SEMA3C: variants seen among roughly 807,000 people sequenced by gnomAD.
The protein encoded by SEMA3C is semaphorin 3C, also known as semaphorin-3C.
SEMA3C carries 47 observed loss-of-function variants against 89.4 expected under a neutral mutation model. That is an observed-to-expected ratio of 0.53 (90% CI 0.42 to 0.67). The LOEUF (loss-of-function observed/expected upper bound fraction) is 0.67. Among genes scored for constraint, SEMA3C ranks in the 30% least tolerant of loss-of-function variants. The probability of loss-of-function intolerance (pLI) is 0.00; values close to 1 mark genes in which losing one functional copy is unlikely to be tolerated. For synonymous variants in SEMA3C, 310 were observed against 320.2 expected (o/e 0.97, Z 0.34); for missense variants, 839 against 929.1 (o/e 0.90, Z 1.26).
chr7:80,849,038 G>A (rs986635151), intron 2 of SEMA3C, among the ~76,000 whole-genome samples: 2 of 151,930 alleles, frequency 1.3e-5, no homozygotes, highest in Non-Finnish European at 2.9e-5. Context: ...GTTTCTTAAC[G>A]CAAGAGATTT....
rs190236476 is a variant in SEMA3C at position 80,799,937 on chromosome 7, G to A, written c.986+820C>T. ...GAGGCTGAGGCTGGCGGATCACGAGGTCAGGAGATCAAGACCATCCTGCCT... is the reference window on the plus strand; with the variant it reads ...GAGGCTGAGGCTGGCGGATCACGAGATCAGGAGATCAAGACCATCCTGCCT... On this transcript the variant is annotated intron_variant, in intron 10 of 17. Coordinates refer to ENST00000265361, the MANE Select transcript of SEMA3C (RefSeq NM_006379.5). 6.0e-4 allele frequency among the ~76,000 whole-genome samples: 91 copies of A among 151,584 alleles called. 1 individual carries two copies. In the East Asian group the frequency reaches 0.015, roughly 24 times the overall value.
At chr7:80,843,060 G>C (rs1316033897) in intron 2 of SEMA3C, among the ~76,000 whole-genome samples, 1 of 152,078 alleles carries the variant, frequency 6.6e-6, no homozygotes, top group Non-Finnish European at 1.5e-5. Flanking sequence ...GTGTGGGTGG[G>C]GGTGCAGATA....
At chr7:80,849,490 A>G (rs908248636) in intron 2 of SEMA3C, among the ~76,000 whole-genome samples, 1 of 152,176 alleles carries the variant, frequency 6.6e-6, no homozygotes, top group African/African-American at 2.4e-5. Context: ...ATGCATAAAA[A>G]TACATGTTCT....
intron 2 of SEMA3C, among the ~76,000 whole-genome samples, chr7:80,906,188 GA>G (rs1465984455): frequency 6.6e-6 from 1 of 152,096 alleles, no homozygotes; most frequent in African/African-American, 2.4e-5. Flanking sequence ...TATGTATCTT[GA>G]AAAATGTCTA....
intron 2 of SEMA3C, among the ~76,000 whole-genome samples, chr7:80,859,291 A>T (rs1194969048): frequency 6.6e-6 from 1 of 152,082 alleles, no homozygotes; most frequent in Non-Finnish European, 1.5e-5. Context: ...GTTTTCCTTA[A>T]TGCCTTTAGA....
chr7:80,822,418 A>AAAT (rs1441441617), intron 4 of SEMA3C, among the ~76,000 whole-genome samples: 1 of 150,052 alleles, frequency 6.7e-6, no homozygotes, highest in African/African-American at 2.4e-5. Flanking sequence ...AATAAAAATA[A>AAAT]AAAAAAAACA....
chr7:80,800,384 T>A (rs936305578), intron 10 of SEMA3C, among the ~76,000 whole-genome samples: 3 of 152,100 alleles, frequency 2.0e-5, no homozygotes, highest in Non-Finnish European at 4.4e-5. Context: ...GTCACTACAA[T>A]CCAGGTGATA....
chr7:80,864,216 G>A lies in SEMA3C; in HGVS notation c.104-35471C>T, dbSNP rs370253383. Among the ~76,000 whole-genome samples, 6 of 151,872 alleles carry A rather than the reference G, an allele frequency of 4.0e-5. No homozygotes were observed. In the East Asian group the frequency reaches 5.8e-4, roughly 15 times the overall value. ...ATGAGGATGCAAAGGCGTTAAGAAT[G>A]AGACAATGGACTTTGGGGACTTGGG... On this transcript the variant is annotated intron_variant, in intron 2 of 17. Coordinates refer to ENST00000265361, the MANE Select transcript of SEMA3C (RefSeq NM_006379.5).
rs889980978 is a variant in SEMA3C at position 80,744,906 on chromosome 7, C to A, written c.2244G>T (p.Leu748Phe). The A allele has an allele frequency of 6.2e-7, 1 of 1,614,030 alleles. No homozygotes were observed. Among genetic ancestry groups the A allele is most frequent in the South Asian group, 1.1e-5 (1 of 91,080 alleles). ...SRKSRNRRNQ[L>F]PES is the part of the protein sequence containing the mutation. ...ACATAAGAAAATATTATGACTCTGG[C>A]AACTGATTCCTCCTGTTTCTACTTT... is the stretch of plus-strand genomic sequence containing the variant. The change falls in exon 18 of 18, where the codon TTG becomes TTT. Residue 748 changes from leucine to phenylalanine, a missense_variant. Coordinates refer to ENST00000265361, the MANE Select transcript of SEMA3C (RefSeq NM_006379.5).
intron 12 of SEMA3C, among the ~76,000 whole-genome samples, chr7:80,766,246 C>A (rs1009027817): frequency 1.9e-4 from 29 of 152,154 alleles, no homozygotes; most frequent in African/African-American, 7.0e-4. Flanking sequence ...AATAGGTGAG[C>A]AGAGTCCCCC....
At chr7:80,789,264 T>C in intron 12 of SEMA3C, 42 bp downstream of exon 12, 1 of 1,513,804 alleles carries the variant, frequency 6.6e-7, no homozygotes, top group Non-Finnish European at 9.1e-7. Context: ...TAGTACATTC[T>C]TTTACTACAC....
At chr7:80,796,831 A>G (rs2115634305) in intron 11 of SEMA3C, among the ~76,000 whole-genome samples, 1 of 152,330 alleles carries the variant, frequency 6.6e-6, no homozygotes, top group Non-Finnish European at 1.5e-5. Flanking sequence ...CCTAGCCAGG[A>G]ACAAAACTTA....
At chr7:80,767,529 A>G (rs572285146) in intron 12 of SEMA3C, among the ~76,000 whole-genome samples, 1 of 152,334 alleles carries the variant, frequency 6.6e-6, no homozygotes, top group Admixed American at 6.5e-5. Flanking sequence ...AGATTTAGCA[A>G]TGTGGGGGTT....
intron 2 of SEMA3C, among the ~76,000 whole-genome samples, chr7:80,857,034 C>A (rs540940192): frequency 1.3e-5 from 2 of 152,212 alleles, no homozygotes; most frequent in South Asian, 4.1e-4. Flanking sequence ...CAACCACATG[C>A]GACTGCATAA....
intron 2 of SEMA3C, among the ~76,000 whole-genome samples, chr7:80,881,777 G>A (rs1317541958): frequency 6.6e-6 from 1 of 152,096 alleles, no homozygotes; most frequent in African/African-American, 2.4e-5. Context: ...CCTCTAAACA[G>A]GCAGTGCATT....
chr7:80,793,492 T>A (rs1477967266), intron 11 of SEMA3C: 2 of 451,064 alleles, frequency 4.4e-6, no homozygotes, highest in South Asian at 1.6e-5. Flanking sequence ...GACACAAGTA[T>A]TCTAGTAAGA....
intron 2 of SEMA3C, among the ~76,000 whole-genome samples, chr7:80,830,854 G>A (rs1789993823): frequency 6.6e-6 from 1 of 152,050 alleles, no homozygotes; most frequent in South Asian, 2.1e-4. Flanking sequence ...AAGGGGAGAG[G>A]GAAGTCTTTC....
intron 15 of SEMA3C, 86 bp from the exon 16 acceptor site, chr7:80,751,422 C>T (rs918063789): frequency 1.6e-6 from 2 of 1,233,224 alleles, no homozygotes; most frequent in Non-Finnish European, 2.4e-6. Context: ...TTAAACTTTG[C>T]ACCCTTTTTA....
intron 4 of SEMA3C, among the ~76,000 whole-genome samples, chr7:80,825,402 T>A (rs1789848797): frequency 6.6e-6 from 1 of 152,194 alleles, no homozygotes; most frequent in Non-Finnish European, 1.5e-5. Flanking sequence ...TTCCCTTGTG[T>A]ATAACTGGCC....
Sources: gnomAD v4.1 joint callset for allele counts (sites outside exome capture counted in the v4.1 genomes callset) on GRCh38, gnomAD v4.1.1 for gene constraint, MANE v1.5 for transcripts, NCBI Gene and HGNC (gene_info 2026-07-23, HGNC 2026-07-21) for gene names.